The following CNTN6 variants were observed in gnomAD, a reference collection of about 807,000 sequenced individuals.
CNTN6 encodes contactin-6.
Under a neutral mutation model 122.8 loss-of-function variants are expected in CNTN6, and 137 were observed. The ratio of observed to expected loss-of-function variants is 1.12; its 90% CI spans 0.97 to 1.29. The LOEUF (loss-of-function observed/expected upper bound fraction) is 1.29. Among genes scored for constraint, CNTN6 ranks in the 50% most tolerant of loss-of-function variants. The probability of loss-of-function intolerance (pLI) is 0.00; values close to 1 mark genes in which losing one functional copy is unlikely to be tolerated. For synonymous variants in CNTN6, 570 were observed against 426.0 expected (o/e 1.34, Z -4.16); for missense variants, 1,634 against 1,223.4 (o/e 1.34, Z -5.01).
intron 1 of CNTN6, among the ~76,000 whole-genome samples, chr3:1,102,914 T>C (rs982941923): frequency 1.2e-4 from 18 of 150,878 alleles, no homozygotes; most frequent in Non-Finnish European, 1.9e-4. Context: ...GAGACCATCC[T>C]GGCTAACACG....
intron 5 of CNTN6, among the ~76,000 whole-genome samples, chr3:1,280,662 G>A (rs763696702): frequency 9.2e-5 from 14 of 151,384 alleles, no homozygotes; most frequent in Admixed American, 2.6e-4. Context: ...ACGGGTTTTC[G>A]CCATGTTGGC....
At chr3:1,215,697 T>C (rs2094120545) in intron 2 of CNTN6, among the ~76,000 whole-genome samples, 2 of 151,494 alleles carry the variant, frequency 1.3e-5, no homozygotes, top group African/African-American at 4.8e-5. Context: ...TTTACTCTTT[T>C]ATTGCTGCAA....
intron 20 of CNTN6, among the ~76,000 whole-genome samples, chr3:1,388,291 A>T (rs564849670): frequency 1.4e-5 from 2 of 147,932 alleles, no homozygotes. Context: ...GGCACCCCCC[A>T]GCAGGGGCAC....
chr3:1,111,199 C>T (rs991431479), intron 1 of CNTN6, among the ~76,000 whole-genome samples: 11 of 152,038 alleles, frequency 7.2e-5, no homozygotes, highest in African/African-American at 1.7e-4. Flanking sequence ...AGATGTTATG[C>T]GGAAAGCAGT....
chr3:1,261,442 A>G lies in CNTN6; in HGVS notation c.359-16971A>G, dbSNP rs571234487. ...AAGCACATCTCATTATTAGCCCAGC[A>G]TAGGCCAAGGAAACTGGGACATTTA... is the stretch of plus-strand genomic sequence containing the variant. On this transcript the variant is annotated intron_variant, in intron 4 of 22. Coordinates refer to ENST00000446702, the MANE Select transcript of CNTN6 (RefSeq NM_001289080.2). Among the ~76,000 whole-genome samples, 5 of 152,158 alleles carry G rather than the reference A, an allele frequency of 3.3e-5. 1 individual carries two copies. The highest frequency in any genetic ancestry group is 4.4e-5 in the Non-Finnish European group (3 of 68,026).
At chr3:1,319,858 TAAAATAAAATAAAATA>T (rs1700607210) in intron 7 of CNTN6, among the ~76,000 whole-genome samples, 1 of 150,058 alleles carries the variant, frequency 6.7e-6, no homozygotes, top group South Asian at 2.1e-4. Flanking sequence ...TAAAATAAAA[TAAAATAAAATAAAATA>T]AAAGACATTT....
intron 1 of CNTN6, among the ~76,000 whole-genome samples, chr3:1,137,277 C>T (rs6772064): frequency 0.17 from 26,358 of 152,144 alleles, 2,779 homozygotes; most frequent in African/African-American, 0.29. Flanking sequence ...CCAGTCACTC[C>T]GGATATTTGT....
In CNTN6 at chr3:1,383,137, T is replaced by C; in HGVS notation, c.2362T>C (p.Ser788Pro). The change falls in exon 18 of 23, where the codon TCC becomes CCC. Residue 788 changes from serine (S) to proline (P), a missense_variant. Coordinates refer to ENST00000446702, the MANE Select transcript of CNTN6 (RefSeq NM_001289080.2). Reference sequence around the variant, plus strand: ...TGTGTATAATAATGAAGGAGAAGGATCCCTGAGTACTGTGACCATTGTCTA... The same window carrying C: ...TGTGTATAATAATGAAGGAGAAGGACCCCTGAGTACTGTGACCATTGTCTA... ...VGVYNNEGEG[S>P]LSTVTIVYSG... The C allele has an allele frequency of 6.2e-7, 1 of 1,613,670 alleles. No homozygotes were observed. The highest frequency in any genetic ancestry group is 8.5e-7 in the Non-Finnish European group (1 of 1,179,568).
chr3:1,212,797 CTGT>C (rs2094064978), intron 2 of CNTN6, among the ~76,000 whole-genome samples: 1 of 152,036 alleles, frequency 6.6e-6, no homozygotes, highest in South Asian at 2.1e-4. Flanking sequence ...TAAAGACTTG[CTGT>C]TATTTCATCA....
chr3:1,327,396 C>A, intron 9 of CNTN6, 61 bp from the exon 10 acceptor site: 2 of 1,506,352 alleles, frequency 1.3e-6, no homozygotes, highest in Non-Finnish European at 1.8e-6. Flanking sequence ...AATAACATAT[C>A]CTGGTTAAGA....
rs1341773600 is a variant in CNTN6 at position 1,295,813 on chromosome 3, A to G, written c.658+9A>G. ...AGTGCAGCGCACTGATGGTAAGATA[A>G]TGAGTTATCTTGGGAATGTACTTTA... On this transcript the variant is annotated intron_variant, in intron 6 of 22. Coordinates refer to ENST00000446702, the MANE Select transcript of CNTN6 (RefSeq NM_001289080.2). The G allele has an allele frequency of 6.2e-7, 1 of 1,609,622 alleles. No homozygotes were observed. The highest frequency in any genetic ancestry group is 8.5e-7 in the Non-Finnish European group (1 of 1,176,180).
At chr3:1,260,716 C>T (rs1462136849) in intron 4 of CNTN6, among the ~76,000 whole-genome samples, 1 of 151,998 alleles carries the variant, frequency 6.6e-6, no homozygotes, top group African/African-American at 2.4e-5. Flanking sequence ...ATGCTGTTCT[C>T]TTGATAATGA....
In CNTN6 at chr3:1,297,899, G is replaced by T. The variant is rs933361582; in HGVS notation, c.669G>T (p.Gly223=). ...TTTGATATTTAACAGGTGTGATGGG[G>T]GAATATGAACCAAAGATTGAAGTGC... ...PLVQRTDGVM[G]EYEPKIEVRF... Residue 223 remains glycine, a synonymous_variant, in exon 7 of 23, where the codon GGG becomes GGT. Coordinates refer to ENST00000446702, the MANE Select transcript of CNTN6 (RefSeq NM_001289080.2). 6.2e-7 allele frequency: 1 copy of T among 1,610,856 alleles called. No homozygotes were observed. Among genetic ancestry groups the T allele is most frequent in the Non-Finnish European group, 8.5e-7 (1 of 1,178,322 alleles).
chr3:1,110,307 C>G (rs772200007), intron 1 of CNTN6, among the ~76,000 whole-genome samples: 1 of 152,060 alleles, frequency 6.6e-6, no homozygotes, highest in Admixed American at 6.6e-5. Flanking sequence ...ATGGAAGAAT[C>G]TAATCTTTTT....
At chr3:1,200,712 T>C (rs961617533) in intron 2 of CNTN6, among the ~76,000 whole-genome samples, 5 of 152,140 alleles carry the variant, frequency 3.3e-5, no homozygotes, top group African/African-American at 1.2e-4. Flanking sequence ...AAAATTTATG[T>C]CTCCCAAAGC....
At chr3:1,244,023 C>G (rs1007136624) in intron 4 of CNTN6, among the ~76,000 whole-genome samples, 1 of 152,082 alleles carries the variant, frequency 6.6e-6, no homozygotes, top group African/African-American at 2.4e-5. Context: ...CACCTCAGAC[C>G]ATTTGCCCAT....
intron 4 of CNTN6, among the ~76,000 whole-genome samples, chr3:1,235,926 G>A (rs1353517742): frequency 6.6e-6 from 1 of 152,004 alleles, no homozygotes; most frequent in Non-Finnish European, 1.5e-5. Flanking sequence ...GGGGTGGGGT[G>A]AGGCCTGTGA....
At chr3:1,295,574 TG>T (rs780488591) in intron 5 of CNTN6, 26 bp from the exon 6 acceptor site, 1 of 1,584,536 alleles carries the variant, frequency 6.3e-7, no homozygotes, top group South Asian at 1.1e-5. Context: ...GGTTTTGTTT[TG>T]TTTTGTTTTG....
rs147646440 is a variant in CNTN6 at position 1,200,120 on chromosome 3, A to G, written c.56-20567A>G. Among the ~76,000 whole-genome samples, 1,344 of 151,910 alleles carry G rather than the reference A, an allele frequency of 8.8e-3. 13 individuals carry two copies. The highest frequency in any genetic ancestry group is 0.046 in the South Asian group (222 of 4,802). ...TGCTGAGGCTGTCACTGCAATGTTC[A>G]CCTCCTGGGTTTAAGTGACTCTCCT... is the stretch of plus-strand genomic sequence containing the variant. On this transcript the variant is annotated intron_variant, in intron 2 of 22. Coordinates refer to ENST00000446702, the MANE Select transcript of CNTN6 (RefSeq NM_001289080.2).
Sources: allele counts gnomAD v4.1 joint callset (sites outside exome capture counted in the v4.1 genomes callset), GRCh38; gene constraint gnomAD v4.1.1; transcripts MANE v1.5; gene names NCBI Gene and HGNC (gene_info 2026-07-23, HGNC 2026-07-21).